GLI2: variants seen among roughly 807,000 people sequenced by gnomAD.
The protein encoded by GLI2 is GLI family zinc finger 2.
GLI2 carries 22 observed loss-of-function variants against 78.9 expected under a neutral mutation model. That is an observed-to-expected ratio of 0.28 (90% confidence interval 0.20 to 0.40). The LOEUF (loss-of-function observed/expected upper bound fraction) is 0.40, where lower values mean the gene tolerates loss of function less well. GLI2 is among the 10% of genes least tolerant of loss of function. The pLI, the probability that GLI2 is intolerant of heterozygous loss-of-function variation, is 1.00. For missense variants in GLI2, 2,097 were observed against 2,213.2 expected, an observed-to-expected ratio of 0.95 and a Z score of 1.05; for synonymous variants, 974 against 963.7, an observed-to-expected ratio of 1.01 and a Z score of -0.20.
At chr2:120,801,073 A>G (rs1684688210) in intron 2 of GLI2, among the ~76,000 whole-genome samples, 1 of 152,150 alleles carries the variant, frequency 6.6e-6, no homozygotes, top group Admixed American at 6.5e-5. Flanking sequence ...CCACGGCTAG[A>G]ATTGCATGGC....
At chr2:120,738,923 C>T (rs775903019) in intron 1 of GLI2, among the ~76,000 whole-genome samples, 2 of 152,184 alleles carry the variant, frequency 1.3e-5, no homozygotes, top group Non-Finnish European at 2.9e-5. Context: ...TGTGGCCAGG[C>T]AGCCTTGGAG....
At chr2:120,833,892 C>A (rs910933520) in intron 2 of GLI2, among the ~76,000 whole-genome samples, 2 of 152,198 alleles carry the variant, frequency 1.3e-5, no homozygotes, top group Admixed American at 1.3e-4. Context: ...TCAAAGTCAT[C>A]TTAGTGCAGT....
At chr2:120,964,791 G>A (rs1018126218) in intron 5 of GLI2, among the ~76,000 whole-genome samples, 6 of 152,268 alleles carry the variant, frequency 3.9e-5, no homozygotes, top group African/African-American at 1.4e-4. Context: ...AGGTCGAAAA[G>A]TGTTTGTGGG....
intron 5 of GLI2, among the ~76,000 whole-genome samples, chr2:120,964,542 G>A (rs910605480): frequency 6.6e-6 from 1 of 152,202 alleles, no homozygotes; most frequent in African/African-American, 2.4e-5. Context: ...AGGCGTTCAC[G>A]AGCCCACACG....
intron 1 of GLI2, among the ~76,000 whole-genome samples, chr2:120,789,724 G>T (rs1480086700): frequency 6.6e-6 from 1 of 152,224 alleles, no homozygotes; most frequent in Non-Finnish European, 1.5e-5. Context: ...AGCCTGGCAG[G>T]CATCTGTGCA....
Position 120,957,206 on chromosome 2 carries a change from A to G in GLI2, c.643+1776A>G, listed in dbSNP as rs558450517. Among the ~76,000 whole-genome samples the G allele has an allele frequency of 2.2e-4, 33 of 152,276 alleles. No individual in the cohort carries two copies. In the South Asian group the frequency reaches 6.4e-3, roughly 30 times the overall value. On this transcript the variant is annotated intron_variant, in intron 5 of 13. Coordinates refer to ENST00000361492, the MANE Select transcript of GLI2 (RefSeq NM_001374353.1). ...TGGGAGGCCATAACATGCCTCAGTGATGCCACCAGAATTTGGTCCCTGTGT... is the reference window on the plus strand; with the variant it reads ...TGGGAGGCCATAACATGCCTCAGTGGTGCCACCAGAATTTGGTCCCTGTGT...
intron 2 of GLI2, among the ~76,000 whole-genome samples, chr2:120,896,787 G>T (rs895607376): frequency 1.3e-5 from 2 of 151,774 alleles, no homozygotes; most frequent in South Asian, 4.2e-4. Context: ...CCCAGCTTGG[G>T]CGTTAATCCC....
chr2:120,785,343 T>C (rs78258737), intron 1 of GLI2, among the ~76,000 whole-genome samples: 8,324 of 152,160 alleles, frequency 0.055, 359 homozygotes, highest in Admixed American at 0.11. Context: ...GTTGGCTTCA[T>C]TGCAAGGAAA....
chr2:120,927,474 C>T lies in GLI2; in HGVS notation c.254+8C>T, dbSNP rs1434575382. 2 of 1,573,586 alleles carry T rather than the reference C, an allele frequency of 1.3e-6. No homozygotes were observed. Among genetic ancestry groups the T allele is most frequent in the East Asian group, 2.2e-5 (1 of 44,654 alleles). The stretch of plus-strand genomic sequence containing the variant: ...TGTCCACGGTGTGCACGGGTAAGTC[C>T]TGCCCTCTGCCTGCTGCTCCTGGCG... On this transcript the variant is annotated splice_region_variant and intron_variant, in intron 3 of 13. Transcript: ENST00000361492.
intron 12 of GLI2, among the ~76,000 whole-genome samples, chr2:120,985,785 T>C (rs1175570161): frequency 3.9e-5 from 6 of 152,146 alleles, no homozygotes; most frequent in Admixed American, 2.0e-4. Context: ...GGAAGACTGT[T>C]TTGGGGTGGC....
In GLI2 at chr2:120,982,850, C is replaced by G; in HGVS notation, c.1602C>G (p.Ala534=). The change falls in exon 11 of 14, where the codon GCC becomes GCG. Residue 534 remains alanine (A), a synonymous_variant. Transcript: ENST00000361492. ...CCTTCTCCAACGCCTCGGACCGCGC[C>G]AAGCACCAGAATCGCACCCACTCCA... ...NKAFSNASDR[A]KHQNRTHSNE... 1 of 1,614,106 alleles carries G rather than the reference C, an allele frequency of 6.2e-7. No homozygotes were observed. The highest frequency in any genetic ancestry group is 1.3e-5 in the African/African-American group (1 of 75,062).
At chr2:120,971,492 G>A (rs1166686424) in intron 7 of GLI2, among the ~76,000 whole-genome samples, 1 of 152,242 alleles carries the variant, frequency 6.6e-6, no homozygotes, top group Admixed American at 6.5e-5. Context: ...GACAGTGGCT[G>A]TCAGCTCTGG....
intron 3 of GLI2, among the ~76,000 whole-genome samples, chr2:120,934,626 G>A (rs1354290717): frequency 2.0e-5 from 3 of 152,200 alleles, no homozygotes; most frequent in African/African-American, 4.8e-5. Flanking sequence ...GCCAGCTGGT[G>A]GGCATGGGGG....
chr2:120,863,359 C>T (rs2104647890), intron 2 of GLI2, among the ~76,000 whole-genome samples: 1 of 152,376 alleles, frequency 6.6e-6, no homozygotes, highest in Non-Finnish European at 1.5e-5. Context: ...TTGCCTCTTC[C>T]TGACCGCGGT....
intron 2 of GLI2, among the ~76,000 whole-genome samples, chr2:120,895,718 AAACAAT>A (rs1677909483): frequency 6.6e-6 from 1 of 152,144 alleles, no homozygotes; most frequent in African/African-American, 2.4e-5. Flanking sequence ...ACAAGAACAG[AAACAAT>A]AACAAAAACA....
chr2:120,900,773 G>A (rs1678214182), intron 2 of GLI2, among the ~76,000 whole-genome samples: 1 of 152,222 alleles, frequency 6.6e-6, no homozygotes, highest in South Asian at 2.1e-4. Flanking sequence ...ATGTTGAGCG[G>A]TTTGCTCAGG....
At chr2:120,912,693 C>T (rs1678885322) in intron 2 of GLI2, among the ~76,000 whole-genome samples, 1 of 152,216 alleles carries the variant, frequency 6.6e-6, no homozygotes, top group Admixed American at 6.5e-5. Context: ...TGCCGCACTG[C>T]CCCTCATGAC....
intron 1 of GLI2, among the ~76,000 whole-genome samples, chr2:120,758,451 G>C (rs556983216): frequency 6.6e-6 from 1 of 152,210 alleles, no homozygotes; most frequent in Admixed American, 6.5e-5. Context: ...CCCCCTGACC[G>C]GGCCTCTCAG....
intron 2 of GLI2, among the ~76,000 whole-genome samples, chr2:120,864,973 T>G (rs1255635989): frequency 6.6e-6 from 1 of 152,210 alleles, no homozygotes. Flanking sequence ...GGGCATTCAC[T>G]GTTGGGGTCC....
Sources: allele counts gnomAD v4.1 joint callset (sites outside exome capture counted in the v4.1 genomes callset), GRCh38; gene constraint gnomAD v4.1.1; transcripts MANE v1.5; gene names NCBI Gene and HGNC (gene_info 2026-07-23, HGNC 2026-07-21).